Variants in GSAP observed in about 807,000 individuals in gnomAD.
The protein encoded by GSAP is gamma-secretase-activating protein.
GSAP carries 118 observed loss-of-function variants against 131.7 expected under a neutral mutation model. The ratio of observed to expected loss-of-function variants is 0.90; its 90% CI spans 0.77 to 1.04. The LOEUF (loss-of-function observed/expected upper bound fraction) is 1.04. Ranked by LOEUF, GSAP falls within the 50% of genes least tolerant of loss-of-function variation. GSAP has a pLI of 0.00. For synonymous variants in GSAP, 381 were observed against 363.4 expected (o/e 1.05, Z -0.55); for missense variants, 1,019 against 1,013.2 (o/e 1.01, Z -0.08).
At chr7:77,351,184 A>G (rs1792817491) in intron 18 of GSAP, 1 of 983,342 alleles carries the variant, frequency 1.0e-6, no homozygotes, top group Non-Finnish European at 1.2e-6. Flanking sequence ...AGCCGTGATA[A>G]GAATCTATTG....
intron 6 of GSAP, among the ~76,000 whole-genome samples, chr7:77,382,968 T>C (rs1331555959): frequency 6.6e-6 from 1 of 152,176 alleles, no homozygotes; most frequent in African/African-American, 2.4e-5. Context: ...GGCAGATCAC[T>C]TGACCTCAGG....
Position 77,369,067 on chromosome 7 carries a change from C to CTA in GSAP, c.871+5001_871+5002dup, listed in dbSNP as rs1281054980. 2.0e-5 allele frequency among the ~76,000 whole-genome samples: 3 copies of CTA among 152,190 alleles called. No homozygotes were observed. In the East Asian group the frequency reaches 5.8e-4, roughly 29 times the overall value. On this transcript the variant is annotated intron_variant, in intron 12 of 30. Coordinates refer to ENST00000257626, the MANE Select transcript of GSAP (RefSeq NM_017439.4). ...TTATTGGAGCAATTATTAAAAGGCT[C>CTA]TATAAAGTGCTAAAACATAGGCCTA...
At chr7:77,396,826 T>G (rs773599638) in intron 5 of GSAP, among the ~76,000 whole-genome samples, 156 bp downstream of exon 5, 1 of 151,808 alleles carries the variant, frequency 6.6e-6, no homozygotes, top group African/African-American at 2.4e-5. Flanking sequence ...AAATTTTTTT[T>G]AAGTCTTTTT....
chr7:77,415,092 G>C (rs1263141953), intron 1 of GSAP, among the ~76,000 whole-genome samples: 2 of 152,018 alleles, frequency 1.3e-5, no homozygotes. Flanking sequence ...TACTAAGCAT[G>C]ACACTAATGC....
At chr7:77,360,047 T>G (rs1794306079) in intron 14 of GSAP, among the ~76,000 whole-genome samples, 1 of 152,154 alleles carries the variant, frequency 6.6e-6, no homozygotes, top group African/African-American at 2.4e-5. Context: ...AAAAATAACT[T>G]TGCTCAGTTT....
chr7:77,388,070 A>T (rs1362396671), intron 5 of GSAP, among the ~76,000 whole-genome samples: 1 of 152,168 alleles, frequency 6.6e-6, no homozygotes, highest in Non-Finnish European at 1.5e-5. Context: ...CTATTCTACC[A>T]GGGGGAAAAA....
chr7:77,382,596 C>T lies in GSAP; in HGVS notation c.504G>A (p.Leu168=), dbSNP rs781700994. 5 of 1,566,690 alleles carry T rather than the reference C, an allele frequency of 3.2e-6. No individual in the cohort carries two copies. Among genetic ancestry groups the T allele is most frequent in the East Asian group, 2.2e-5 (1 of 44,654 alleles). Residue 168 remains leucine (L), a synonymous_variant, in exon 7 of 31, where the codon CTG becomes CTA. Coordinates refer to ENST00000257626, the MANE Select transcript of GSAP (RefSeq NM_017439.4). The stretch of plus-strand genomic sequence containing the variant: ...TACATTTCTCTTCTGAAATCAGTAA[C>T]AGATGGTTCTCTGGAAGAGGATGAC... ...IESHPLPENH[L]LLISEEKYIE...
At chr7:77,408,135 T>C (rs1032233868) in intron 1 of GSAP, among the ~76,000 whole-genome samples, 1 of 152,214 alleles carries the variant, frequency 6.6e-6, no homozygotes, top group African/African-American at 2.4e-5. Flanking sequence ...TGAGTCTTAG[T>C]TGCATAAGTG....
At chr7:77,354,784 C>T (rs1010089645) in intron 16 of GSAP, among the ~76,000 whole-genome samples, 1 of 150,994 alleles carries the variant, frequency 6.6e-6, no homozygotes, top group Non-Finnish European at 1.5e-5. Flanking sequence ...ACAGAATGCA[C>T]GTGGAAGTAC....
At chr7:77,380,231 A>C (rs10237652) in intron 8 of GSAP, among the ~76,000 whole-genome samples, 1 of 152,066 alleles carries the variant, frequency 6.6e-6, no homozygotes, top group African/African-American at 2.4e-5. Flanking sequence ...CCAATTGGAA[A>C]TTTTTTAAAA....
chr7:77,366,595 T>C (rs953760656), intron 12 of GSAP, among the ~76,000 whole-genome samples: 4 of 152,250 alleles, frequency 2.6e-5, no homozygotes, highest in African/African-American at 9.6e-5. Context: ...TCTATGTGCC[T>C]GTTTTGGTAA....
chr7:77,312,911 A>G (rs555767290), intron 28 of GSAP, among the ~76,000 whole-genome samples: 1 of 152,296 alleles, frequency 6.6e-6, no homozygotes, highest in East Asian at 1.9e-4. Context: ...TCATATTTTC[A>G]TAGTATCTCT....
Position 77,374,059 on chromosome 7 carries a change from C to A in GSAP, c.871+11G>T. ...CGGTTGAATAAATTGATAAATACAA[C>A]CCTAGTTTACCTGTATGGTTGGTAA... is the stretch of plus-strand genomic sequence containing the variant. On this transcript the variant is annotated intron_variant, in intron 12 of 30. Transcript: ENST00000257626. 4.2e-6 allele frequency: 6 copies of A among 1,418,992 alleles called. No individual in the cohort carries two copies. Among genetic ancestry groups the A allele is most frequent in the Non-Finnish European group, 5.9e-6 (6 of 1,009,700 alleles). 87.9% of individuals were successfully genotyped at this position (1,418,992 alleles called of 1,614,324 possible). A position where few individuals can be genotyped will look rare whatever the true frequency, so the allele number is the denominator to read the frequency against.
chr7:77,376,982 C>T (rs1796990187), intron 9 of GSAP, 75 bp from the exon 10 acceptor site: 1 of 786,406 alleles, frequency 1.3e-6, no homozygotes, highest in Non-Finnish European at 2.1e-6. Context: ...AGCAAAACTT[C>T]ACTATTTCCA....
intron 14 of GSAP, among the ~76,000 whole-genome samples, chr7:77,360,233 A>C (rs958193978): frequency 6.6e-6 from 1 of 152,186 alleles, no homozygotes; most frequent in Non-Finnish European, 1.5e-5. Flanking sequence ...GTCTTGTGCT[A>C]AACTTTGTGC....
chr7:77,382,771 G>A, intron 6 of GSAP, 128 bp from the exon 7 acceptor site: 1 of 577,716 alleles, frequency 1.7e-6, no homozygotes. Flanking sequence ...AGAGTTTAGG[G>A]GAATCACCTG....
At chr7:77,329,995 A>G (rs925378013) in intron 20 of GSAP, 4 of 307,050 alleles carry the variant, frequency 1.3e-5, no homozygotes, top group African/African-American at 6.5e-5. Context: ...ATGGATATTA[A>G]TCATACTTCT....
At chr7:77,378,301 G>A (rs1797264065) in intron 8 of GSAP, among the ~76,000 whole-genome samples, 1 of 152,020 alleles carries the variant, frequency 6.6e-6, no homozygotes, top group Admixed American at 6.5e-5. Flanking sequence ...GGCTAACATG[G>A]TGAAACCCCA....
chr7:77,390,744 GAAGTAT>G (rs1799336106), intron 5 of GSAP, among the ~76,000 whole-genome samples: 2 of 150,964 alleles, frequency 1.3e-5, no homozygotes, highest in Admixed American at 6.6e-5. Flanking sequence ...CCTAAAACTT[GAAGTAT>G]AATAATAAAA....
Sources: gnomAD v4.1 joint callset for allele counts (sites outside exome capture counted in the v4.1 genomes callset) on GRCh38, gnomAD v4.1.1 for gene constraint, MANE v1.5 for transcripts, NCBI Gene and HGNC (gene_info 2026-07-23, HGNC 2026-07-21) for gene names.